RUNX1: variants seen among roughly 807,000 people sequenced by gnomAD.
RUNX1 encodes the protein runt-related transcription factor 1.
RUNX1 carries 19 observed loss-of-function variants against 42.8 expected under a neutral mutation model. The ratio of observed to expected loss-of-function variants is 0.44; its 90% CI spans 0.31 to 0.65. RUNX1 has a LOEUF of 0.65. Ranked by LOEUF, RUNX1 falls within the 30% of genes least tolerant of loss-of-function variation. RUNX1 has a pLI of 0.07. For synonymous variants in RUNX1, 271 were observed against 289.4 expected, an observed-to-expected ratio of 0.94 and a Z score of 0.64; for missense variants, 528 against 672.0, an observed-to-expected ratio of 0.79 and a Z score of 2.37.
intron 2 of RUNX1, among the ~76,000 whole-genome samples, chr21:34,977,261 G>T (rs995812503): frequency 6.6e-6 from 1 of 152,178 alleles, no homozygotes; most frequent in Non-Finnish European, 1.5e-5. Flanking sequence ...CCCAAAGATC[G>T]ATGGCTCATC....
intron 3 of RUNX1, chr21:34,889,751 G>A: frequency 8.6e-7 from 1 of 1,160,900 alleles, no homozygotes; most frequent in Non-Finnish European, 1.1e-6. Context: ...CGCGGAGCTC[G>A]GAGGGCCCCG....
intron 7 of RUNX1, among the ~76,000 whole-genome samples, chr21:34,801,078 C>G (rs1485523419): frequency 6.6e-6 from 1 of 151,742 alleles, no homozygotes; most frequent in East Asian, 1.9e-4. Context: ...TTCAATATCC[C>G]CATGCTACTG....
chr21:35,036,487 G>C (rs551786901), intron 2 of RUNX1, among the ~76,000 whole-genome samples: 4 of 152,216 alleles, frequency 2.6e-5, no homozygotes, highest in South Asian at 2.1e-4. Context: ...CCTCCAGAAA[G>C]GGAAGGAACT....
At chr21:34,941,434 A>G (rs1443301040) in intron 2 of RUNX1, among the ~76,000 whole-genome samples, 1 of 152,184 alleles carries the variant, frequency 6.6e-6, no homozygotes, top group East Asian at 1.9e-4. Flanking sequence ...TTTTTGCCCA[A>G]TTCAACACAT....
At chr21:34,971,504 G>A (rs532848513) in intron 2 of RUNX1, among the ~76,000 whole-genome samples, 1 of 150,414 alleles carries the variant, frequency 6.6e-6, no homozygotes, top group Non-Finnish European at 1.5e-5. Flanking sequence ...ATTTTTATCA[G>A]CCATCCATCC....
rs139182699 is a variant in RUNX1, at chr21:35,000,312, C to T, written c.58+48530G>A. 8.1e-3 allele frequency among the ~76,000 whole-genome samples: 1,194 copies of T among 146,994 alleles called. 17 individuals carry two copies. The highest frequency in any genetic ancestry group is 0.028 in the African/African-American group (1,084 of 39,392). ...CTGGAATGCAGTGGCGCAATCTCGG[C>T]TCACTGCAAACTCCGCCTCCCGGGT... On this transcript the variant is annotated intron_variant, in intron 2 of 8. Transcript: ENST00000675419.
chr21:34,813,591 C>T (rs1056209408), intron 7 of RUNX1, among the ~76,000 whole-genome samples: 1 of 152,040 alleles, frequency 6.6e-6, no homozygotes, highest in African/African-American at 2.4e-5. Flanking sequence ...GGCACCCAGA[C>T]TTAGAGCTGG....
intron 6 of RUNX1, 58 bp downstream of exon 6, chr21:34,859,416 C>T (rs1027783979): frequency 7.9e-7 from 1 of 1,266,668 alleles, no homozygotes; most frequent in Non-Finnish European, 1.2e-6. Context: ...CCTGAGTATA[C>T]CAGCCTGGAG....
At chr21:34,997,082 T>C (rs2059002045) in intron 2 of RUNX1, among the ~76,000 whole-genome samples, 1 of 152,252 alleles carries the variant, frequency 6.6e-6, no homozygotes, top group African/African-American at 2.4e-5. Flanking sequence ...GTTTCCACAA[T>C]GAGAAACATA....
intron 6 of RUNX1, chr21:34,856,271 C>A (rs1455133420): frequency 2.1e-6 from 1 of 479,464 alleles, no homozygotes; most frequent in Admixed American, 2.3e-5. Flanking sequence ...CAGATAACTG[C>A]TTTATTTAGT....
At chr21:34,951,820 G>T (rs1176349289) in intron 2 of RUNX1, among the ~76,000 whole-genome samples, 1 of 152,162 alleles carries the variant, frequency 6.6e-6, no homozygotes, top group Non-Finnish European at 1.5e-5. Flanking sequence ...ACAGTGTGGC[G>T]ATTTCTCAAG....
chr21:34,994,725 T>C (rs1004567801), intron 2 of RUNX1, among the ~76,000 whole-genome samples: 1 of 152,232 alleles, frequency 6.6e-6, no homozygotes, highest in African/African-American at 2.4e-5. Flanking sequence ...CTTCTTCTAC[T>C]GATGAGGACA....
At chr21:34,865,593 GC>G (rs2146271222) in intron 5 of RUNX1, among the ~76,000 whole-genome samples, 1 of 152,306 alleles carries the variant, frequency 6.6e-6, no homozygotes, top group South Asian at 2.1e-4. Context: ...GACACTCGCT[GC>G]CATGACACAC....
chr21:34,862,737 T>C (rs2057595570), intron 5 of RUNX1, among the ~76,000 whole-genome samples: 2 of 152,192 alleles, frequency 1.3e-5, no homozygotes, highest in Non-Finnish European at 1.5e-5. Flanking sequence ...TTTATCTCGA[T>C]TACACCTGTA....
chr21:34,792,117 C>T lies in RUNX1; in HGVS notation c.*18G>A, dbSNP rs1235268431. On this transcript the variant is annotated 3_prime_UTR_variant, in exon 9 of 9. Transcript: ENST00000675419. This position sits in a 1 kb window ranked among gnomAD's most constrained non-coding sequence, Gnocchi z 6.9. ...AAGGCGGCGGCCCGCGGGGCCCAGC[C>T]GGGCCAGGCCTGGCGCCTCAGTAGG... 1 of 1,368,092 alleles carries T rather than the reference C, an allele frequency of 7.3e-7. No individual in the cohort carries two copies. Among genetic ancestry groups the T allele is most frequent in the African/African-American group, 1.5e-5 (1 of 64,790 alleles). 84.7% of individuals were successfully genotyped at this position (1,368,092 alleles called of 1,614,324 possible).
intron 2 of RUNX1, among the ~76,000 whole-genome samples, chr21:34,946,385 C>T (rs1312175632): frequency 1.3e-5 from 2 of 152,182 alleles, no homozygotes; most frequent in Non-Finnish European, 2.9e-5. Flanking sequence ...AGCACATTCC[C>T]CTCTCTGTCC....
chr21:34,934,995 T>C (rs1221994253), intron 2 of RUNX1, among the ~76,000 whole-genome samples: 2 of 152,236 alleles, frequency 1.3e-5, no homozygotes, highest in Non-Finnish European at 1.5e-5. Flanking sequence ...TATTTTTTCA[T>C]GTTTTTGATT....
intron 2 of RUNX1, among the ~76,000 whole-genome samples, chr21:34,938,519 ACCTCCTCCTTCTCCTCCTTCTTCTT>A (rs1001057856): frequency 7.3e-5 from 11 of 150,186 alleles, no homozygotes; most frequent in African/African-American, 2.7e-4. Context: ...CTCCTCTTAC[ACCTCCTCCTTCTCCTCCTTCTTCTT>A]CCTCCTCCCT....
Position 34,907,222 on chromosome 21 carries a change from C to T in RUNX1, c.59-14259G>A, listed in dbSNP as rs765983029. Among the ~76,000 whole-genome samples the T allele has an allele frequency of 6.6e-5, 10 of 152,036 alleles. No individual in the cohort carries two copies. The highest frequency in any genetic ancestry group is 1.0e-4 in the Non-Finnish European group (7 of 68,008). ...CAGGAGAATCCCACTTAGCATCTGC[C>T]CACAGGTAAGGGGCACAGAGAAGGA... is the stretch of plus-strand genomic sequence containing the variant. On this transcript the variant is annotated intron_variant, in intron 2 of 8. Transcript: ENST00000675419. This position sits in a 1 kb window ranked among gnomAD's most constrained non-coding sequence, Gnocchi z 5.3.
Sources: gnomAD v4.1 joint callset for allele counts (sites outside exome capture counted in the v4.1 genomes callset) on GRCh38, gnomAD v4.1.1 for gene constraint, Gnocchi (gnomAD v3.1) non-coding constraint, MANE v1.5 for transcripts, NCBI Gene and HGNC (gene_info 2026-07-23, HGNC 2026-07-21) for gene names.